PPP1R1A: variants seen among roughly 807,000 people sequenced by gnomAD.
The protein encoded by PPP1R1A is protein phosphatase 1 regulatory inhibitor subunit 1A, also known as protein phosphatase 1 regulatory subunit 1A.
In PPP1R1A, 18 loss-of-function variants were observed where a neutral mutation model predicts 23.9. The ratio of observed to expected loss-of-function variants is 0.75; its 90% CI spans 0.52 to 1.12. The LOEUF (loss-of-function observed/expected upper bound fraction) is 1.12. PPP1R1A is among the 50% of genes most tolerant of loss of function. The pLI is 0.00. For missense variants in PPP1R1A, 207 were observed against 223.8 expected, an observed-to-expected ratio of 0.92 and a Z score of 0.48; for synonymous variants, 84 against 80.7, an observed-to-expected ratio of 1.04 and a Z score of -0.22.
chr12:54,583,920 T>TC (rs1957883262), intron 2 of PPP1R1A, among the ~76,000 whole-genome samples: 1 of 151,770 alleles, frequency 6.6e-6, no homozygotes, highest in South Asian at 2.1e-4. Flanking sequence ...AGGCGGTCCC[T>TC]CCCCCTCACA....
At chr12:54,585,699 A>C (rs1446318439) in intron 1 of PPP1R1A, among the ~76,000 whole-genome samples, 2 of 151,972 alleles carry the variant, frequency 1.3e-5, no homozygotes, top group East Asian at 3.9e-4. Flanking sequence ...GGGGGATGAC[A>C]GAGGTGAACA....
chr12:54,584,153 C>T lies in PPP1R1A; in HGVS notation c.145+107G>A. 4 of 1,149,588 alleles carry T rather than the reference C, an allele frequency of 3.5e-6. No homozygotes were observed. The South Asian group carries it at 5.3e-5, about 15-fold the overall frequency. 71.2% of individuals were successfully genotyped at this position (1,149,588 alleles called of 1,614,324 possible). On this transcript the variant is annotated intron_variant, in intron 2 of 6. Coordinates refer to ENST00000257905, the MANE Select transcript of PPP1R1A (RefSeq NM_006741.4). The stretch of plus-strand genomic sequence containing the variant: ...TTCCTGCCTTCAGTACTGAGGACAT[C>T]CCCGCCTTCTCAGAGCTGTTCTTCT...
intron 1 of PPP1R1A, among the ~76,000 whole-genome samples, chr12:54,585,314 T>C (rs1957898937): frequency 6.6e-6 from 1 of 152,232 alleles, no homozygotes; most frequent in Non-Finnish European, 1.5e-5. Context: ...TGAAAAATCT[T>C]ATCCTAGGCT....
rs571742500 is a variant in PPP1R1A at position 54,579,789 on chromosome 12, A to C, written c.*598T>G. The C allele has an allele frequency of 5.9e-5, 58 of 985,666 alleles. 1 individual carries two copies. In the South Asian group the frequency reaches 2.3e-3, roughly 39 times the overall value. 61.1% of individuals were successfully genotyped at this position (985,666 alleles called of 1,614,324 possible). On this transcript the variant is annotated 3_prime_UTR_variant, in exon 7 of 7. Transcript: ENST00000257905. ...TCCTGAAGCTTGGGAATCCAAAAGG[A>C]AGGCAGCTGGGGCTTGGAGGGCAGG... is the stretch of plus-strand genomic sequence containing the variant.
At chr12:54,582,891 T>G in intron 3 of PPP1R1A, 96 bp from the exon 4 acceptor site, 2 of 1,287,226 alleles carry the variant, frequency 1.6e-6, no homozygotes, top group Non-Finnish European at 2.2e-6. Context: ...CAGCCCCCCT[T>G]GCCTTCCTCC....
chr12:54,588,070 G>A, intron 1 of PPP1R1A, among the ~76,000 whole-genome samples: 1 of 152,028 alleles, frequency 6.6e-6, no homozygotes, highest in South Asian at 2.1e-4. Context: ...TTGACTGGGT[G>A]GGGGATGCAG....
intron 4 of PPP1R1A, 37 bp downstream of exon 4, chr12:54,582,695 A>C: frequency 6.2e-7 from 1 of 1,600,082 alleles, no homozygotes; most frequent in East Asian, 2.2e-5. Context: ...AGCTTCAGGC[A>C]CAGAGGAGAA....
rs1172297791 is a variant in PPP1R1A at position 54,579,471 on chromosome 12, C to T, written c.*916G>A. On this transcript the variant is annotated 3_prime_UTR_variant, in exon 7 of 7. Transcript: ENST00000257905. ...TCAGGCTCTGCTCTTGCCTCTGTAC[C>T]ACATGCTTCAGCAGGGAGGGGGAAA... is the stretch of plus-strand genomic sequence containing the variant. The T allele has an allele frequency of 9.1e-6, 9 of 985,246 alleles. No homozygotes were observed. In the South Asian group the frequency reaches 1.4e-4, roughly 15 times the overall value. The allele number at this position is 985,246 out of a possible 1,614,324, so 61.0% of individuals were successfully genotyped here.
intron 1 of PPP1R1A, among the ~76,000 whole-genome samples, chr12:54,587,298 T>A (rs1249683): frequency 6.6e-6 from 1 of 152,180 alleles, no homozygotes; most frequent in Non-Finnish European, 1.5e-5. Context: ...TTTTTCAGGT[T>A]GGGGGTGGCC....
chr12:54,584,295 G>A lies in PPP1R1A; in HGVS notation c.110C>T (p.Ala37Val). Reference sequence around the variant, plus strand: ...CTGGTCACTGGTCAGCACGAGGGTGGCAGGGGTGGGGCGGCGCCTCCGAAT... The same window carrying A: ...CTGGTCACTGGTCAGCACGAGGGTGACAGGGGTGGGGCGGCGCCTCCGAAT... ...EQIRRRRPTPATLVLTSDQSS... is the reference protein window; with the variant it reads ...EQIRRRRPTPVTLVLTSDQSS... Residue 37 changes from alanine (A) to valine (V), a missense_variant, in exon 2 of 7, where the codon GCC becomes GTC. Transcript: ENST00000257905. The A allele has an allele frequency of 6.2e-7, 1 of 1,604,982 alleles. No individual in the cohort carries two copies. Among genetic ancestry groups the A allele is most frequent in the Non-Finnish European group, 8.5e-7 (1 of 1,176,214 alleles).
At chr12:54,586,434 C>A (rs2121216506) in intron 1 of PPP1R1A, among the ~76,000 whole-genome samples, 1 of 152,260 alleles carries the variant, frequency 6.6e-6, no homozygotes, top group African/African-American at 2.4e-5. Context: ...ATAACTTCGC[C>A]TCGGATTTCT....
At chr12:54,588,256 AC>A (rs142801029) in intron 1 of PPP1R1A, 148 bp downstream of exon 1, 2,906 of 181,174 alleles carry the variant, frequency 0.016, 64 homozygotes, top group African/African-American at 0.062. Context: ...GGGACAGAAG[AC>A]CCCCCCCCGC....
chr12:54,582,151 G>C lies in PPP1R1A; in HGVS notation c.248-20C>G. 1.2e-6 allele frequency: 2 copies of C among 1,606,610 alleles called. No homozygotes were observed. The highest frequency in any genetic ancestry group is 1.7e-6 in the Non-Finnish European group (2 of 1,176,296). ...GGAGCTCTGGGGACACAGAGAAAGG[G>C]AGGGAACACTGGATATGACTGCCTA... On this transcript the variant is annotated intron_variant, in intron 4 of 6. Transcript: ENST00000257905.
chr12:54,587,118 C>T (rs1034572168), intron 1 of PPP1R1A, among the ~76,000 whole-genome samples: 23 of 152,300 alleles, frequency 1.5e-4, no homozygotes, highest in Non-Finnish European at 2.8e-4. Flanking sequence ...AGAGAGAGGA[C>T]GGAGACGCAG....
At chr12:54,582,577 G>C (rs1957866151) in intron 4 of PPP1R1A, among the ~76,000 whole-genome samples, 155 bp downstream of exon 4, 1 of 152,212 alleles carries the variant, frequency 6.6e-6, no homozygotes, top group Non-Finnish European at 1.5e-5. Flanking sequence ...CACCCAGCTA[G>C]TCAGTGGCAA....
rs184422130 is a variant in PPP1R1A, at chr12:54,584,487, A to G, written c.85-167T>C. ...TTATCCTAAGCAAACTTATGCAGAA[A>G]CAGAAAACCAAATACTGCGTGTTCT... On this transcript the variant is annotated intron_variant, in intron 1 of 6. Transcript: ENST00000257905. 2.3e-4 allele frequency among the ~76,000 whole-genome samples: 35 copies of G among 152,306 alleles called. 1 individual carries two copies. The highest frequency in any genetic ancestry group is 2.1e-3 in the Admixed American group (32 of 15,304).
Position 54,581,931 on chromosome 12 carries a change from G to T in PPP1R1A, c.403+45C>A. 1 of 1,572,066 alleles carries T rather than the reference G, an allele frequency of 6.4e-7. No homozygotes were observed. Among genetic ancestry groups the T allele is most frequent in the Non-Finnish European group, 8.6e-7 (1 of 1,157,840 alleles). On this transcript the variant is annotated intron_variant, in intron 5 of 6. Coordinates refer to ENST00000257905, the MANE Select transcript of PPP1R1A (RefSeq NM_006741.4). The surrounding 1 kb of genome is among the most constrained non-coding windows in gnomAD (Gnocchi z 4.1). ...AGTGGGTAAGGCTTGCCTCCTGCTG[G>T]GCTGGGAAATAGGATGCCTGGGGCC...
intron 1 of PPP1R1A, among the ~76,000 whole-genome samples, chr12:54,587,620 C>T (rs144842264): frequency 3.3e-5 from 5 of 152,250 alleles, no homozygotes; most frequent in African/African-American, 1.2e-4. Context: ...GACTCCCACC[C>T]CTTGAGCCAA....
rs144173513 is a variant in PPP1R1A, at chr12:54,580,264, A to G, written c.*123T>C. The G allele has an allele frequency of 6.6e-7, 1 of 1,517,832 alleles. No individual in the cohort carries two copies. Among genetic ancestry groups the G allele is most frequent in the East Asian group, 2.4e-5 (1 of 41,328 alleles). The allele number at this position is 1,517,832 out of a possible 1,614,324, so 94.0% of individuals were successfully genotyped here. On this transcript the variant is annotated 3_prime_UTR_variant, in exon 7 of 7. Transcript: ENST00000257905. ...AAAAGAAGGAAAGTGCCAAGGACCT[A>G]ACACCAAATTTATCACTTTTTAAAA...
Sources: gnomAD v4.1 joint callset for allele counts (sites outside exome capture counted in the v4.1 genomes callset) on GRCh38, gnomAD v4.1.1 for gene constraint, Gnocchi (gnomAD v3.1) non-coding constraint, MANE v1.5 for transcripts, NCBI Gene and HGNC (gene_info 2026-07-23, HGNC 2026-07-21) for gene names.